TAF4B: variants seen among roughly 807,000 people sequenced by gnomAD.
TAF4B encodes the protein transcription initiation factor TFIID subunit 4B.
TAF4B carries 38 observed loss-of-function variants against 86.4 expected under a neutral mutation model. That is an observed-to-expected ratio of 0.44 (90% confidence interval 0.34 to 0.58). TAF4B has a LOEUF of 0.58. Among genes scored for constraint, TAF4B ranks in the 20% least tolerant of loss-of-function variants. The pLI, the probability that TAF4B is intolerant of heterozygous loss-of-function variation, is 0.02. For synonymous variants in TAF4B, 388 were observed against 391.2 expected, an observed-to-expected ratio of 0.99 and a Z score of 0.10; for missense variants, 988 against 1,027.6, an observed-to-expected ratio of 0.96 and a Z score of 0.53.
At chr18:26,282,113 T>C in intron 6 of TAF4B, 53 bp downstream of exon 6, 12 of 1,379,232 alleles carry the variant, frequency 8.7e-6, no homozygotes, top group Non-Finnish European at 1.2e-5. Context: ...TACTCTAAAA[T>C]AATTAAAAAT....
intron 1 of TAF4B, among the ~76,000 whole-genome samples, chr18:26,260,471 A>T (rs1422792704): frequency 6.6e-6 from 1 of 152,152 alleles, no homozygotes; most frequent in Admixed American, 6.5e-5. Flanking sequence ...AGGTATAAGG[A>T]AGGGATCCAG....
chr18:26,288,098 A>G (rs1482283439), intron 7 of TAF4B, among the ~76,000 whole-genome samples: 4 of 152,192 alleles, frequency 2.6e-5, no homozygotes, highest in African/African-American at 9.6e-5. Context: ...GCCCCAAGGA[A>G]AGGCCTCTTT....
chr18:26,389,320 T>A (rs1978567433), intron 14 of TAF4B, among the ~76,000 whole-genome samples: 1 of 152,218 alleles, frequency 6.6e-6, no homozygotes, highest in African/African-American at 2.4e-5. Context: ...CTCTGAGCAA[T>A]GGGAACCATT....
At chr18:26,361,628 C>G (rs1301234481) in intron 14 of TAF4B, among the ~76,000 whole-genome samples, 1 of 151,102 alleles carries the variant, frequency 6.6e-6, no homozygotes, top group Non-Finnish European at 1.5e-5. Flanking sequence ...GCCTGTAATC[C>G]TAGCTACGTG....
chr18:26,301,279 GGTT>G (rs1055911988), intron 9 of TAF4B, among the ~76,000 whole-genome samples: 5 of 150,412 alleles, frequency 3.3e-5, no homozygotes, highest in Admixed American at 1.3e-4. Context: ...GGTTTTCTTT[GGTT>G]GTTGTTGTTG....
chr18:26,281,708 A>G (rs2056451618), intron 5 of TAF4B, among the ~76,000 whole-genome samples: 1 of 152,180 alleles, frequency 6.6e-6, no homozygotes, highest in East Asian at 1.9e-4. Flanking sequence ...ATAATGTAGT[A>G]TTACTTAACC....
chr18:26,265,856 A>G (rs1203511688), intron 2 of TAF4B, among the ~76,000 whole-genome samples: 2 of 151,462 alleles, frequency 1.3e-5, no homozygotes, highest in Non-Finnish European at 2.9e-5. Context: ...CACCTGGCCT[A>G]TTTGCATCTT....
intron 13 of TAF4B, among the ~76,000 whole-genome samples, chr18:26,353,675 A>G (rs1189296212): frequency 1.3e-5 from 2 of 152,224 alleles, no homozygotes; most frequent in African/African-American, 4.8e-5. Context: ...CTTTCTTCCA[A>G]TGATTAGGAA....
At chr18:26,235,619 G>C (rs1224048272) in intron 1 of TAF4B, among the ~76,000 whole-genome samples, 2 of 152,290 alleles carry the variant, frequency 1.3e-5, no homozygotes, top group Middle Eastern at 3.4e-3. Context: ...TGATCAAACA[G>C]ATGAGGGCTA....
Position 26,285,222 on chromosome 18 carries a change from G to GTTTTTGTTTTTTTTTTTTTTTTT in TAF4B, c.973-655_973-654insGTTTTTTTTTTTTTTTTTTTTTT. 1.6e-3 allele frequency among the ~76,000 whole-genome samples: 74 copies of GTTTTTGTTTTTTTTTTTTTTTTT among 45,690 alleles called. 1 individual carries two copies. Among genetic ancestry groups the GTTTTTGTTTTTTTTTTTTTTTTT allele is most frequent in the Middle Eastern group, 0.042 (2 of 48 alleles). 30.0% of individuals were successfully genotyped at this position (45,690 alleles called of 152,430 possible). A position where few individuals can be genotyped will look rare whatever the true frequency, so the allele number is the denominator to read the frequency against. On this transcript the variant is annotated intron_variant, in intron 6 of 14. Coordinates refer to ENST00000269142, the MANE Select transcript of TAF4B (RefSeq NM_005640.3). Reference sequence around the variant, plus strand: ...ATTTCTTCCTTTCCTTTTTTTTTTTGTTTTTTTTTTTTTTGGAGATGGGGT... The same window carrying GTTTTTGTTTTTTTTTTTTTTTTT: ...ATTTCTTCCTTTCCTTTTTTTTTTTGTTTTTGTTTTTTTTTTTTTTTTTTTTTTTTTTTTTTTGGAGATGGGGT...
intron 14 of TAF4B, among the ~76,000 whole-genome samples, chr18:26,382,054 T>C (rs978474124): frequency 1.3e-5 from 2 of 152,188 alleles, no homozygotes; most frequent in Non-Finnish European, 2.9e-5. Flanking sequence ...CTACTGTTAA[T>C]ACATTTAAAG....
intron 13 of TAF4B, among the ~76,000 whole-genome samples, chr18:26,348,156 C>G (rs1341443427): frequency 1.3e-5 from 2 of 152,132 alleles, no homozygotes; most frequent in African/African-American, 4.8e-5. Context: ...CCAGTATTGA[C>G]CATATGTTAG....
chr18:26,304,826 A>G (rs2056777915), intron 9 of TAF4B: 1 of 985,410 alleles, frequency 1.0e-6, no homozygotes, highest in Non-Finnish European at 1.2e-6. Context: ...ATTGCTCCTC[A>G]GTAAATCTAG....
At position 26,270,705 on chromosome 18, in the gene TAF4B, A is replaced by G. The variant is rs150387996; in HGVS notation, c.597+3082A>G. 2.3e-4 allele frequency among the ~76,000 whole-genome samples: 34 copies of G among 151,020 alleles called. No homozygotes were observed. The East Asian group carries it at 6.4e-3, about 28-fold the overall frequency. On this transcript the variant is annotated intron_variant, in intron 3 of 14. Transcript: ENST00000269142. The stretch of plus-strand genomic sequence containing the variant: ...CTTTACTAAGCTTAAACTAAAACTT[A>G]GAGTTTCTTGCAACTATGAATGTAG...
At chr18:26,325,163 G>C (rs531393013) in intron 11 of TAF4B, among the ~76,000 whole-genome samples, 44 of 152,266 alleles carry the variant, frequency 2.9e-4, no homozygotes, top group African/African-American at 1.1e-3. Flanking sequence ...TTTTGATCTG[G>C]CTACCAGGTG....
chr18:26,299,841 G>A lies in TAF4B; in HGVS notation c.1832+6310G>A, dbSNP rs138471604. ...TTCCTAATACTTTTCTTTTGAATGTGTATAGATGCTTTAATGGTAGTATAG... is the reference window on the plus strand; with the variant it reads ...TTCCTAATACTTTTCTTTTGAATGTATATAGATGCTTTAATGGTAGTATAG... On this transcript the variant is annotated intron_variant, in intron 9 of 14. Transcript: ENST00000269142. Among the ~76,000 whole-genome samples, 12 of 152,178 alleles carry A rather than the reference G, an allele frequency of 7.9e-5. 1 individual carries two copies. The East Asian group carries it at 1.5e-3, about 20-fold the overall frequency.
chr18:26,249,395 C>T (rs879294262), intron 1 of TAF4B, among the ~76,000 whole-genome samples: 20 of 151,740 alleles, frequency 1.3e-4, no homozygotes, highest in Non-Finnish European at 2.8e-4. Flanking sequence ...GCTTGAGAAT[C>T]GCTTGAACCC....
At chr18:26,379,390 G>C (rs191919758) in intron 14 of TAF4B, among the ~76,000 whole-genome samples, 2 of 152,202 alleles carry the variant, frequency 1.3e-5, no homozygotes, top group Admixed American at 1.3e-4. Flanking sequence ...CTGCTGTGAA[G>C]TGGGGGTTGA....
chr18:26,327,217 C>G, intron 12 of TAF4B, 77 bp downstream of exon 12: 2 of 1,524,084 alleles, frequency 1.3e-6, no homozygotes, highest in Non-Finnish European at 1.8e-6. Context: ...GGTTGACTGT[C>G]TTGGTTTTAT....
Sources: allele counts gnomAD v4.1 joint callset (sites outside exome capture counted in the v4.1 genomes callset), GRCh38; gene constraint gnomAD v4.1.1; transcripts MANE v1.5; gene names NCBI Gene and HGNC (gene_info 2026-07-23, HGNC 2026-07-21).